Variants in VWF observed in about 807,000 individuals in gnomAD.
VWF encodes the protein Factor VIII related antigen.
A neutral mutation model predicts 308.6 loss-of-function variants in VWF; 176 were observed. The observed-to-expected ratio is 0.57, with a 90% CI of 0.50 to 0.65. VWF has a LOEUF of 0.65. Ranked by LOEUF, VWF falls within the 30% of genes least tolerant of loss-of-function variation. VWF has a pLI of 0.00. For synonymous variants in VWF, 1,385 were observed against 1,443.4 expected, an observed-to-expected ratio of 0.96 and a Z score of 0.92; for missense variants, 3,146 against 3,648.2, an observed-to-expected ratio of 0.86 and a Z score of 3.55.
intron 48 of VWF, among the ~76,000 whole-genome samples, chr12:5,953,247 A>G (rs567540651): frequency 6.6e-6 from 1 of 152,104 alleles, no homozygotes; most frequent in Non-Finnish European, 1.5e-5. Flanking sequence ...AAAAAAGATC[A>G]ATCAACTCCA....
At chr12:6,010,586 G>A (rs1196869288) in intron 34 of VWF, among the ~76,000 whole-genome samples, 3 of 152,340 alleles carry the variant, frequency 2.0e-5, no homozygotes, top group East Asian at 3.9e-4. Flanking sequence ...AGCATTGCTT[G>A]TCATTACAAA....
chr12:6,122,605 G>C, intron 2 of VWF: 1 of 366,004 alleles, frequency 2.7e-6, no homozygotes, highest in South Asian at 2.1e-5. Context: ...TAAGTGGAAA[G>C]CGCCCAAGGT....
chr12:6,095,998 C>T, intron 5 of VWF: 1 of 317,144 alleles, frequency 3.2e-6, no homozygotes, highest in Non-Finnish European at 6.2e-6. Flanking sequence ...CTGAATCAAA[C>T]TTGTATTAAA....
intron 6 of VWF, among the ~76,000 whole-genome samples, chr12:6,090,868 A>T (rs1434817128): frequency 2.6e-5 from 4 of 152,192 alleles, no homozygotes; most frequent in African/African-American, 7.2e-5. Flanking sequence ...GCCGAGGCCC[A>T]GGGTGAGAGA....
At chr12:6,047,123 T>G (rs1218717207) in intron 16 of VWF, among the ~76,000 whole-genome samples, 1 of 152,180 alleles carries the variant, frequency 6.6e-6, no homozygotes, top group East Asian at 1.9e-4. Context: ...GGTTCCTCCT[T>G]CTCAGCCTCA....
intron 43 of VWF, among the ~76,000 whole-genome samples, chr12:5,972,842 A>C (rs1943492314): frequency 6.6e-6 from 1 of 152,224 alleles, no homozygotes; most frequent in Admixed American, 6.5e-5. Context: ...AACATTCAAA[A>C]TGCCATTAAA....
intron 6 of VWF, among the ~76,000 whole-genome samples, chr12:6,081,489 G>A (rs1032370367): frequency 5.9e-5 from 9 of 152,082 alleles, no homozygotes; most frequent in Admixed American, 2.0e-4. Flanking sequence ...ACAGGTACGC[G>A]CAACCATGCC....
At chr12:6,054,608 G>A (rs1211803649) in intron 15 of VWF, among the ~76,000 whole-genome samples, 3 of 152,224 alleles carry the variant, frequency 2.0e-5, no homozygotes, top group African/African-American at 7.2e-5. Context: ...CAGGGAGGCA[G>A]AGATGGCCAG....
intron 8 of VWF, among the ~76,000 whole-genome samples, chr12:6,072,759 G>A (rs115954087): frequency 6.6e-6 from 1 of 152,176 alleles, no homozygotes. Flanking sequence ...CAACGTGAGA[G>A]GGAGAAGACT....
In VWF at chr12:6,041,432, A is replaced by G. The variant is rs562930070; in HGVS notation, c.2442+2859T>C. 4.6e-5 allele frequency among the ~76,000 whole-genome samples: 7 copies of G among 151,898 alleles called. No individual in the cohort carries two copies. In the East Asian group the frequency reaches 1.2e-3, roughly 26 times the overall value. Reference sequence around the variant, plus strand: ...GTGACAGAGCAAAACTCCGTCTCAAAAAAATTTTTAAAAAAAAAAGAAATT... The same window carrying G: ...GTGACAGAGCAAAACTCCGTCTCAAGAAAATTTTTAAAAAAAAAAGAAATT... On this transcript the variant is annotated intron_variant, in intron 18 of 51. Coordinates refer to ENST00000261405, the MANE Select transcript of VWF (RefSeq NM_000552.5).
Position 5,971,617 on chromosome 12 carries a change from G to A in VWF, c.7530C>T (p.Ser2510=). The A allele has an allele frequency of 1.2e-6, 2 of 1,614,142 alleles. No homozygotes were observed. The highest frequency in any genetic ancestry group is 1.7e-6 in the Non-Finnish European group (2 of 1,180,004). ...EVVTGSPRGD[S]QSSWKSVGSQ... Reference sequence around the variant, plus strand: ...GACCTACACTCTTCCAGGAAGACTGGGAGTCCCCCCGCGGTGAGCCAGTCA... The same window carrying A: ...GACCTACACTCTTCCAGGAAGACTGAGAGTCCCCCCGCGGTGAGCCAGTCA... Residue 2510 remains serine, a synonymous_variant, in exon 44 of 52, where the codon TCC becomes TCT. Transcript: ENST00000261405.
At chr12:6,113,297 CTTT>C (rs56714638) in intron 3 of VWF, among the ~76,000 whole-genome samples, 8 of 138,786 alleles carry the variant, frequency 5.8e-5, no homozygotes, top group Non-Finnish European at 6.3e-5. Flanking sequence ...CGTAGAGAAA[CTTT>C]TTTTTTTTTT....
rs1051226664 is a variant in VWF at position 5,968,232 on chromosome 12, G to C, written c.7730-65C>G. On this transcript the variant is annotated intron_variant, in intron 45 of 51. Coordinates refer to ENST00000261405, the MANE Select transcript of VWF (RefSeq NM_000552.5). The stretch of plus-strand genomic sequence containing the variant: ...ACACCCTGGTGAGACCGGCGAGCAG[G>C]CTGCTCTCTTTGGGGCTCCTCCTCC... 3 of 1,600,236 alleles carry C rather than the reference G, an allele frequency of 1.9e-6. No homozygotes were observed. The African/African-American group carries it at 4.0e-5, about 21-fold the overall frequency.
chr12:5,968,064 C>T lies in VWF; in HGVS notation c.7770+63G>A, dbSNP rs1390048278. ...GCTTTACAATGACTTGCCTGCTCCC[C>T]TTCCCACAGTACCCCCTTCCCTGTC... On this transcript the variant is annotated intron_variant, in intron 46 of 51. Coordinates refer to ENST00000261405, the MANE Select transcript of VWF (RefSeq NM_000552.5). 4.4e-6 allele frequency: 7 copies of T among 1,608,010 alleles called. No homozygotes were observed. In the South Asian group the frequency reaches 4.4e-5, roughly 10 times the overall value.
intron 20 of VWF, among the ~76,000 whole-genome samples, chr12:6,032,326 CAAA>C (rs57411884): frequency 7.4e-6 from 1 of 134,342 alleles, no homozygotes. Context: ...GACTCCATCT[CAAA>C]AAAAAAAAAG....
chr12:5,956,782 A>G (rs533209912), intron 47 of VWF, among the ~76,000 whole-genome samples: 99 of 152,356 alleles, frequency 6.5e-4, no homozygotes, highest in African/African-American at 2.2e-3. Flanking sequence ...TACAAGAATC[A>G]AAAAGCTTTT....
chr12:6,009,426 AACACACACACACACAC>A (rs3062550), intron 34 of VWF, among the ~76,000 whole-genome samples: 3 of 146,628 alleles, frequency 2.0e-5, no homozygotes, highest in African/African-American at 5.0e-5. Flanking sequence ...GCCATTATCA[AACACACACACACACAC>A]ACACACACAC....
rs926181295 is a variant in VWF, at chr12:6,060,226, C to T, written c.1534-2182G>A. Among the ~76,000 whole-genome samples the T allele has an allele frequency of 1.2e-4, 19 of 152,182 alleles. No homozygotes were observed. The highest frequency in any genetic ancestry group is 4.3e-4 in the African/African-American group (18 of 41,448). On this transcript the variant is annotated intron_variant, in intron 13 of 51. Coordinates refer to ENST00000261405, the MANE Select transcript of VWF (RefSeq NM_000552.5). The surrounding 1 kb of genome is among the most constrained non-coding windows in gnomAD (Gnocchi z 5.1). ...CTGTGCAAGGATCTTTTCCACACTGCTATGCCTAAGGCAGAGCTGGGCCCT... is the reference window on the plus strand; with the variant it reads ...CTGTGCAAGGATCTTTTCCACACTGTTATGCCTAAGGCAGAGCTGGGCCCT...
rs748289333 is a variant in VWF, at chr12:6,019,581, G to C, written c.3837C>G (p.Val1279=). The C allele has an allele frequency of 1.9e-6, 3 of 1,613,878 alleles. No individual in the cohort carries two copies. The highest frequency in any genetic ancestry group is 1.7e-5 in the Admixed American group (1 of 60,006). ...DFYCSRLLDL[V]FLLDGSSRLS... is the part of the protein sequence containing the mutation. ...GCCTGGAGGAGCCATCCAGCAGGAA[G>C]ACCAGGTCCAGTAGCCTGCTGCAGT... Residue 1279 remains valine (V), a synonymous_variant, in exon 28 of 52, where the codon GTC becomes GTG. Transcript: ENST00000261405. The surrounding 1 kb of genome is among the most constrained non-coding windows in gnomAD (Gnocchi z 5.8).
Sources: gnomAD v4.1 joint callset for allele counts (sites outside exome capture counted in the v4.1 genomes callset) on GRCh38, gnomAD v4.1.1 for gene constraint, Gnocchi (gnomAD v3.1) non-coding constraint, MANE v1.5 for transcripts, NCBI Gene and HGNC (gene_info 2026-07-23, HGNC 2026-07-21) for gene names.